Variants in TRAF6 observed in about 807,000 individuals in gnomAD.
The protein encoded by TRAF6 is TNF receptor-associated factor 6.
TRAF6 carries 10 observed loss-of-function variants against 48.4 expected under a neutral mutation model. The observed-to-expected ratio is 0.21, with a 90% CI of 0.13 to 0.35. The LOEUF is 0.35. TRAF6 is among the 10% of genes least tolerant of loss of function. The probability of loss-of-function intolerance (pLI) is 1.00; values close to 1 mark genes in which losing one functional copy is unlikely to be tolerated. For synonymous variants in TRAF6, 186 were observed against 219.6 expected (o/e 0.85, Z 1.35); for missense variants, 397 against 661.0 (o/e 0.60, Z 4.38).
chr11:36,503,568 C>T (rs2133677282), intron 1 of TRAF6, among the ~76,000 whole-genome samples: 1 of 152,302 alleles, frequency 6.6e-6, no homozygotes, highest in East Asian at 1.9e-4. Context: ...AGGCACGAAC[C>T]CCCGAGCCCG....
At position 36,488,976 on chromosome 11, in the gene TRAF6, T is replaced by C. The variant is rs188602854; in HGVS notation, c.*862A>G. ...TAATTTTTATGTTGCTGATTGTATG[T>C]GTGCATCTCCTGTCTTGTAAGCATT... On this transcript the variant is annotated 3_prime_UTR_variant, in exon 7 of 7. Transcript: ENST00000526995. 2.0e-5 allele frequency: 3 copies of C among 152,336 alleles called. No homozygotes were observed. In the East Asian group the frequency reaches 5.8e-4, roughly 29 times the overall value. The allele number at this position is 152,336 out of a possible 1,614,324, so 9.4% of individuals were successfully genotyped here.
intron 1 of TRAF6, among the ~76,000 whole-genome samples, chr11:36,504,035 C>T (rs528482721): frequency 1.1e-4 from 16 of 152,210 alleles, no homozygotes; most frequent in Non-Finnish European, 2.1e-4. Context: ...TTTAAAAACA[C>T]CTTATTGCTA....
intron 1 of TRAF6, among the ~76,000 whole-genome samples, chr11:36,508,843 G>A (rs1039070519): frequency 6.6e-6 from 1 of 152,190 alleles, no homozygotes; most frequent in African/African-American, 2.4e-5. Flanking sequence ...TGCTCCAGGA[G>A]GCAAGGATTT....
Position 36,489,808 on chromosome 11 carries a change from G to A in TRAF6, c.*30C>T. On this transcript the variant is annotated 3_prime_UTR_variant, in exon 7 of 7. Coordinates refer to ENST00000526995, the MANE Select transcript of TRAF6 (RefSeq NM_004620.4). ...GCAAGGAAAGGCACTGTTTTCTCCA[G>A]GTAGTTGTTTTTGAGCAAGTGAGGG... 6.3e-7 allele frequency: 1 copy of A among 1,586,716 alleles called. No homozygotes were observed. The highest frequency in any genetic ancestry group is 2.2e-5 in the East Asian group (1 of 44,602).
At chr11:36,497,398 A>G (rs1417422326) in intron 3 of TRAF6, 132 bp from the exon 4 acceptor site, 6 of 745,008 alleles carry the variant, frequency 8.1e-6, no homozygotes, top group Non-Finnish European at 1.2e-5. Flanking sequence ...CCACAGAACC[A>G]TTCACAATAT....
chr11:36,498,074 C>T (rs5030454), intron 3 of TRAF6, among the ~76,000 whole-genome samples: 73,631 of 151,506 alleles, frequency 0.49, 20,542 homozygotes, highest in East Asian at 0.71. Context: ...TAGTGAGAGA[C>T]GGGGTTTCAC....
At chr11:36,508,572 A>C (rs1771957800) in intron 1 of TRAF6, among the ~76,000 whole-genome samples, 1 of 152,192 alleles carries the variant, frequency 6.6e-6, no homozygotes, top group African/African-American at 2.4e-5. Context: ...TAAATGAGTC[A>C]ATTTTAAGTC....
rs895811839 is a variant in TRAF6 at position 36,487,558 on chromosome 11, A to G, written c.*2280T>C. 3 of 152,254 alleles carry G rather than the reference A, an allele frequency of 2.0e-5. No individual in the cohort carries two copies. Among genetic ancestry groups the G allele is most frequent in the African/African-American group, 7.2e-5 (3 of 41,460 alleles). 9.4% of individuals were successfully genotyped at this position (152,254 alleles called of 1,614,324 possible). A position where few individuals can be genotyped will look rare whatever the true frequency, so the allele number is the denominator to read the frequency against. ...GCAAAGAGTAAGTTAAAGACATTTT[A>G]TACTGGCAAAATACTTTCCTAAGTA... On this transcript the variant is annotated 3_prime_UTR_variant, in exon 7 of 7. Transcript: ENST00000526995.
chr11:36,507,664 C>CATACACGA (rs1859819079), intron 1 of TRAF6, among the ~76,000 whole-genome samples: 1 of 25,538 alleles, frequency 3.9e-5, no homozygotes, highest in African/African-American at 1.1e-4. Flanking sequence ...TACATACACA[C>CATACACGA]GCGCGTGTAT....
intron 5 of TRAF6, 119 bp from the exon 6 acceptor site, chr11:36,492,747 G>C: frequency 1.4e-6 from 1 of 708,964 alleles, no homozygotes. Flanking sequence ...CAGTTGAATA[G>C]GTGCAGCATA....
At chr11:36,493,634 C>G (rs1310185053) in intron 5 of TRAF6, among the ~76,000 whole-genome samples, 1 of 148,216 alleles carries the variant, frequency 6.7e-6, no homozygotes, top group African/African-American at 2.4e-5. Flanking sequence ...GATGAGAGGG[C>G]ACAGTTAAAA....
At chr11:36,506,481 A>G (rs1460487818) in intron 1 of TRAF6, among the ~76,000 whole-genome samples, 1 of 152,120 alleles carries the variant, frequency 6.6e-6, no homozygotes, top group Non-Finnish European at 1.5e-5. Context: ...TGTAGGACAT[A>G]TATCCAAGTG....
intron 6 of TRAF6, among the ~76,000 whole-genome samples, chr11:36,491,152 A>G (rs1564964950): frequency 6.6e-6 from 1 of 151,676 alleles, no homozygotes; most frequent in Non-Finnish European, 1.5e-5. Flanking sequence ...TATTAATACC[A>G]TTTTTTTTAA....
intron 1 of TRAF6, among the ~76,000 whole-genome samples, chr11:36,503,631 C>T (rs1476986713): frequency 6.6e-6 from 1 of 152,112 alleles, no homozygotes; most frequent in Non-Finnish European, 1.5e-5. Flanking sequence ...AAATAGCTCC[C>T]ATGGCCTTGC....
intron 6 of TRAF6, among the ~76,000 whole-genome samples, chr11:36,491,311 A>G (rs1160100281): frequency 6.6e-6 from 1 of 152,216 alleles, no homozygotes. Flanking sequence ...AATTTTTATT[A>G]TAAAAGGTCA....
intron 1 of TRAF6, among the ~76,000 whole-genome samples, chr11:36,509,344 C>G (rs1300733160): frequency 1.3e-5 from 2 of 152,140 alleles, no homozygotes; most frequent in African/African-American, 4.8e-5. Context: ...CTAGGAACAG[C>G]TTTATCAACC....
intron 1 of TRAF6, 144 bp from the exon 2 acceptor site, chr11:36,501,681 A>G (rs569173605): frequency 4.2e-4 from 243 of 577,982 alleles, no homozygotes; most frequent in African/African-American, 3.9e-3. Context: ...AAAACTTTTA[A>G]AAGTGTTTTG....
intron 2 of TRAF6, among the ~76,000 whole-genome samples, chr11:36,499,743 T>C (rs1859690915): frequency 6.6e-6 from 1 of 151,868 alleles, no homozygotes; most frequent in Non-Finnish European, 1.5e-5. Flanking sequence ...CGAGTATGGA[T>C]GTAGTTACTC....
chr11:36,497,090 A>C lies in TRAF6; in HGVS notation c.606+18T>G, dbSNP rs200153405. On this transcript the variant is annotated intron_variant, in intron 4 of 6. Transcript: ENST00000526995. Reference sequence around the variant, plus strand: ...TTTTAAGAAGTAGTGAATTTAACAAATCCAAGTTAGTACATGCCTCTTTAT... The same window carrying C: ...TTTTAAGAAGTAGTGAATTTAACAACTCCAAGTTAGTACATGCCTCTTTAT... 4.3e-6 allele frequency: 7 copies of C among 1,609,794 alleles called. No individual in the cohort carries two copies. Among genetic ancestry groups the C allele is most frequent in the Middle Eastern group, 3.3e-4 (2 of 6,054 alleles).
Sources: gnomAD v4.1 joint callset for allele counts (sites outside exome capture counted in the v4.1 genomes callset) on GRCh38, gnomAD v4.1.1 for gene constraint, MANE v1.5 for transcripts, NCBI Gene and HGNC (gene_info 2026-07-23, HGNC 2026-07-21) for gene names.